The following MED24 variants were observed in gnomAD, a reference collection of about 807,000 sequenced individuals.
MED24 encodes mediator of RNA polymerase II transcription subunit 24.
Under a neutral mutation model 118.8 loss-of-function variants are expected in MED24, and 74 were observed. The ratio of observed to expected loss-of-function variants is 0.62; its 90% CI spans 0.52 to 0.76. The LOEUF (loss-of-function observed/expected upper bound fraction) is 0.76, where lower values mean the gene tolerates loss of function less well. Among genes scored for constraint, MED24 ranks in the 30% least tolerant of loss-of-function variants. The pLI, the probability that MED24 is intolerant of heterozygous loss-of-function variation, is 0.00. For missense variants in MED24, 1,041 were observed against 1,278.9 expected, an observed-to-expected ratio of 0.81 and a Z score of 2.84; for synonymous variants, 521 against 523.9, an observed-to-expected ratio of 0.99 and a Z score of 0.08.
At chr17:40,030,301 CTT>C (rs35210145) in intron 12 of MED24, among the ~76,000 whole-genome samples, 20 of 145,960 alleles carry the variant, frequency 1.4e-4, no homozygotes, top group Middle Eastern at 3.5e-3. Flanking sequence ...TATCATTAGT[CTT>C]TTTTTTTTTT....
At position 40,019,568 on chromosome 17, in the gene MED24, CA is replaced by C. The variant is rs1981681791; in HGVS notation, c.2930del (p.Leu977ArgfsTer37). ...TGGCTTTAGCAGCCACCTGGCGGCC[CA>C]GGGGCAGGCTGAGGTCCGTGATGGC... ...VLAITDLSLP[L>X]GRQVAAKAIA... On this transcript the variant is annotated frameshift_variant, in exon 26 of 26. Coordinates refer to ENST00000394128, the MANE Select transcript of MED24 (RefSeq NM_014815.4). LOFTEE classifies it high-confidence loss of function. 1 of 1,612,654 alleles carries C rather than the reference CA, an allele frequency of 6.2e-7. No homozygotes were observed. The highest frequency in any genetic ancestry group is 2.2e-5 in the East Asian group (1 of 44,874).
At chr17:40,041,660 A>G (rs1370178291) in intron 3 of MED24, among the ~76,000 whole-genome samples, 1 of 152,152 alleles carries the variant, frequency 6.6e-6, no homozygotes, top group African/African-American at 2.4e-5. Context: ...CCACTGTCTC[A>G]TGATCCATCA....
chr17:40,036,197 C>T, intron 3 of MED24, 43 bp from the exon 4 acceptor site: 1 of 1,573,476 alleles, frequency 6.4e-7, no homozygotes, highest in Non-Finnish European at 8.7e-7. Flanking sequence ...AACTAGTCTC[C>T]CACAGTTGAG....
intron 1 of MED24, chr17:40,053,918 G>T (rs1018222353): frequency 5.5e-5 from 31 of 563,706 alleles, no homozygotes; most frequent in Non-Finnish European, 9.5e-5. Context: ...ATCACCGGAG[G>T]TCAGGAGTTC....
Position 40,022,438 on chromosome 17 carries a change from G to A in MED24, c.2479C>T (p.Gln827Ter), listed in dbSNP as rs1485855931. 6.2e-7 allele frequency: 1 copy of A among 1,610,832 alleles called. No individual in the cohort carries two copies. The highest frequency in any genetic ancestry group is 8.5e-7 in the Non-Finnish European group (1 of 1,178,764). ...CTCTTCTTCTGGCGGGTGGACGCCT[G>A]TCCCTTGTGGGAGGAGTAGGAACTG... ...ALSSYSSHKG[Q>*]ASTRQKKRHR... Residue 827 changes from glutamine (Q) to a stop codon, truncating the protein, a stop_gained, in exon 22 of 26, where the codon CAG (glutamine) becomes TAG (stop). Transcript: ENST00000394128. LOFTEE classifies it high-confidence loss of function.
At chr17:40,022,290 A>G (rs1982113392) in intron 22 of MED24, 104 bp downstream of exon 22, 1 of 1,235,336 alleles carries the variant, frequency 8.1e-7, no homozygotes, top group African/African-American at 1.5e-5. Context: ...AGCTGCCCCA[A>G]GGGCAGGGGC....
chr17:40,052,935 T>G (rs969912862), intron 3 of MED24, among the ~76,000 whole-genome samples: 32 of 151,848 alleles, frequency 2.1e-4, no homozygotes, highest in African/African-American at 6.0e-4. Context: ...CAAATTGTGT[T>G]TGTTTGTTTC....
intron 3 of MED24, among the ~76,000 whole-genome samples, chr17:40,051,911 G>A (rs866988936): frequency 6.0e-5 from 9 of 150,696 alleles, no homozygotes; most frequent in Non-Finnish European, 5.9e-5. Context: ...CAACAGGAGC[G>A]AAATCCCATC....
chr17:40,022,646 T>C lies in MED24; in HGVS notation c.2431A>G (p.Lys811Glu), dbSNP rs751091180. ...GGCAAGCTCTGAAGAGAATCTTACT[T>C]GGCAAGAGCAGTGCCCGGGGGGTCC... Reference protein sequence around the residue: ...LMDPPGTALAKLAVWCALSSY... With the variant: ...LMDPPGTALAELAVWCALSSY... Residue 811 changes from lysine to glutamate, a missense_variant and splice_region_variant, in exon 21 of 26, where the codon AAG (lysine) becomes GAG (glutamate). Transcript: ENST00000394128. 2 of 1,613,088 alleles carry C rather than the reference T, an allele frequency of 1.2e-6. No individual in the cohort carries two copies. Among genetic ancestry groups the C allele is most frequent in the African/African-American group, 2.7e-5 (2 of 74,826 alleles).
intron 3 of MED24, among the ~76,000 whole-genome samples, chr17:40,049,406 C>A (rs1327616858): frequency 1.3e-5 from 2 of 152,216 alleles, no homozygotes; most frequent in Non-Finnish European, 2.9e-5. Context: ...ATCACTTCCT[C>A]CACAAAGCCT....
intron 8 of MED24, 21 bp from the exon 9 acceptor site, chr17:40,032,783 G>A (rs1316169499): frequency 1.3e-6 from 2 of 1,598,030 alleles, no homozygotes; most frequent in East Asian, 4.5e-5. Flanking sequence ...AGCCAAGGAT[G>A]AGGCCTAAGA....
In MED24 at chr17:40,026,932, G is replaced by A; in HGVS notation, c.1633C>T (p.Pro545Ser). Residue 545 changes from proline (P) to serine (S), a missense_variant, in exon 17 of 26, where the codon CCC becomes TCC. Around this residue, in one of 3 missense-constraint regions of MED24, gnomAD observed 587 missense variants for 694.4 expected, o/e 0.85. Coordinates refer to ENST00000394128, the MANE Select transcript of MED24 (RefSeq NM_014815.4). ...EEGKILNPDHPCFRPDSTKVE... is the reference protein window; with the variant it reads ...EEGKILNPDHSCFRPDSTKVE... ...TTGGTGGAGTCGGGGCGGAAGCAGG[G>A]GTGGTCAGGGTTCAGGATCTTGCCC... The A allele has an allele frequency of 6.2e-7, 1 of 1,614,174 alleles. No homozygotes were observed. Among genetic ancestry groups the A allele is most frequent in the Non-Finnish European group, 8.5e-7 (1 of 1,180,032 alleles).
intron 3 of MED24, among the ~76,000 whole-genome samples, chr17:40,048,332 A>G (rs1440937608): frequency 6.6e-6 from 1 of 152,146 alleles, no homozygotes; most frequent in East Asian, 1.9e-4. Context: ...CTACTAAGAT[A>G]CTGTTTACCT....
At chr17:40,037,735 C>G (rs2144933708) in intron 3 of MED24, among the ~76,000 whole-genome samples, 1 of 152,124 alleles carries the variant, frequency 6.6e-6, no homozygotes, top group African/African-American at 2.4e-5. Context: ...CACGGTGAAA[C>G]CCCGTCTCTA....
chr17:40,034,838 T>C, intron 6 of MED24: 1 of 921,168 alleles, frequency 1.1e-6, no homozygotes, highest in South Asian at 1.6e-5. Context: ...CCCTGCCACA[T>C]GCTCCTTTGG....
chr17:40,037,563 C>T (rs1984084840), intron 3 of MED24, among the ~76,000 whole-genome samples: 1 of 152,088 alleles, frequency 6.6e-6, no homozygotes, highest in Admixed American at 6.6e-5. Flanking sequence ...GCTGCCCTAC[C>T]CAATACACAA....
chr17:40,043,905 C>CAAAAAAAAAAAAAAAAA (rs1555668276), intron 3 of MED24, among the ~76,000 whole-genome samples: 2 of 115,102 alleles, frequency 1.7e-5, no homozygotes, highest in Non-Finnish European at 3.7e-5. Context: ...AAAAAAAAAA[C>CAAAAAAAAAAAAAAAAA]AAAGATTTAA....
chr17:40,047,790 C>A (rs1184588000), intron 3 of MED24, among the ~76,000 whole-genome samples: 1 of 152,012 alleles, frequency 6.6e-6, no homozygotes, highest in African/African-American at 2.4e-5. Flanking sequence ...AGCACAATGG[C>A]GCAATCTCGG....
intron 3 of MED24, among the ~76,000 whole-genome samples, chr17:40,038,733 G>A (rs1044113041): frequency 1.3e-5 from 2 of 151,414 alleles, no homozygotes; most frequent in Non-Finnish European, 2.9e-5. Flanking sequence ...AAAAGGAGAG[G>A]AAGAAAGCCG....
Sources: gnomAD v4.1 joint callset for allele counts (sites outside exome capture counted in the v4.1 genomes callset) on GRCh38, gnomAD v4.1.1 for gene constraint, gnomAD v4.1.1 regional missense constraint, MANE v1.5 for transcripts, NCBI Gene and HGNC (gene_info 2026-07-23, HGNC 2026-07-21) for gene names.